LMNTD1: variants seen among roughly 807,000 people sequenced by gnomAD.
LMNTD1 encodes lamin tail domain containing 1.
A neutral mutation model predicts 50.9 loss-of-function variants in LMNTD1; 35 were observed. The observed-to-expected ratio is 0.69, with a 90% CI of 0.53 to 0.91. The LOEUF (loss-of-function observed/expected upper bound fraction) is 0.91, where lower values mean the gene tolerates loss of function less well. LMNTD1 is among the 40% of genes least tolerant of loss of function. The pLI is 0.00. For synonymous variants in LMNTD1, 153 were observed against 161.9 expected, an observed-to-expected ratio of 0.94 and a Z score of 0.42; for missense variants, 470 against 475.5, an observed-to-expected ratio of 0.99 and a Z score of 0.11.
chr12:25,569,614 G>A (rs892135719), intron 1 of LMNTD1, among the ~76,000 whole-genome samples: 2 of 152,192 alleles, frequency 1.3e-5, no homozygotes, highest in Non-Finnish European at 2.9e-5. Context: ...GGTAGAAGAT[G>A]ACTGGATCAC....
chr12:25,486,176 T>C (rs1219630645), intron 9 of LMNTD1, among the ~76,000 whole-genome samples: 1 of 134,726 alleles, frequency 7.4e-6, no homozygotes, highest in Non-Finnish European at 1.6e-5. Context: ...TCCTCTTTTA[T>C]TTCATTGAGC....
At chr12:25,576,343 C>T (rs1006255007) in intron 1 of LMNTD1, among the ~76,000 whole-genome samples, 12 of 152,222 alleles carry the variant, frequency 7.9e-5, no homozygotes, top group Admixed American at 1.3e-4. Context: ...CACATCCTCT[C>T]CAGCACTTGT....
At chr12:25,618,565 T>C (rs1946396828) in intron 1 of LMNTD1, among the ~76,000 whole-genome samples, 1 of 152,170 alleles carries the variant, frequency 6.6e-6, no homozygotes, top group African/African-American at 2.4e-5. Flanking sequence ...GATTTTATAA[T>C]TCTCCTTTCT....
chr12:25,613,584 C>A (rs1329528903), intron 1 of LMNTD1, among the ~76,000 whole-genome samples: 1 of 152,126 alleles, frequency 6.6e-6, no homozygotes, highest in African/African-American at 2.4e-5. Context: ...TGTAAATGAG[C>A]CTCATTTGAT....
At chr12:25,557,379 A>T (rs975031466), upstream of LMNTD1, 1 of 152,224 alleles carries the variant, frequency 6.6e-6, no homozygotes, top group Non-Finnish European at 1.5e-5. Context: ...CCTGTTGAAA[A>T]ACAACACTAA....
chr12:25,536,516 T>A (rs914041751), intron 4 of LMNTD1, among the ~76,000 whole-genome samples: 2 of 151,842 alleles, frequency 1.3e-5, no homozygotes, highest in Non-Finnish European at 2.9e-5. Flanking sequence ...AAAATGAAAA[T>A]TAGAAAGTAT....
rs143131759 is a variant in LMNTD1, at chr12:25,579,632, G to C, written c.59-33078C>G. On this transcript the variant is annotated intron_variant, in intron 1 of 7. Coordinates refer to the LMNTD1 transcript ENST00000445693. ...TGCCCCAAACCAAGCTTATTATCTTGCTCAATTTCCAAACATCCTGGAGAT... is the reference window on the plus strand; with the variant it reads ...TGCCCCAAACCAAGCTTATTATCTTCCTCAATTTCCAAACATCCTGGAGAT... 7.9e-3 allele frequency among the ~76,000 whole-genome samples: 1,208 copies of C among 152,134 alleles called. 4 individuals are homozygous for C. Among genetic ancestry groups the C allele is most frequent in the Middle Eastern group, 0.027 (8 of 294 alleles).
At chr12:25,573,757 A>G (rs1172311340) in intron 1 of LMNTD1, among the ~76,000 whole-genome samples, 3 of 151,908 alleles carry the variant, frequency 2.0e-5, no homozygotes, top group African/African-American at 7.3e-5. Flanking sequence ...CTTGATTTTG[A>G]TCTTTCACTT....
intron 1 of LMNTD1, among the ~76,000 whole-genome samples, chr12:25,641,340 C>T (rs143804118): frequency 2.6e-5 from 4 of 151,954 alleles, no homozygotes; most frequent in Admixed American, 1.3e-4. Context: ...AAAAAATGAA[C>T]AGCAATAAGA....
At chr12:25,574,893 A>G (rs1051377735) in intron 1 of LMNTD1, among the ~76,000 whole-genome samples, 1 of 152,204 alleles carries the variant, frequency 6.6e-6, no homozygotes, top group Non-Finnish European at 1.5e-5. Context: ...TCTTGATGAA[A>G]TTACAAATTA....
intron 1 of LMNTD1, among the ~76,000 whole-genome samples, chr12:25,627,283 G>T (rs560299683): frequency 1.3e-5 from 2 of 152,266 alleles, no homozygotes; most frequent in East Asian, 1.9e-4. Flanking sequence ...AGGGAGGTTT[G>T]TTCTTTTTTT....
At chr12:25,555,130 A>C (rs117223128), upstream of LMNTD1, among the ~76,000 whole-genome samples, 205 of 152,230 alleles carry the variant, frequency 1.3e-3, 3 homozygotes, top group East Asian at 0.034. Flanking sequence ...TCATATAAAT[A>C]CAAAATATTT....
At chr12:25,481,494 T>C (rs1220233486) in intron 9 of LMNTD1, among the ~76,000 whole-genome samples, 3 of 151,990 alleles carry the variant, frequency 2.0e-5, no homozygotes, top group Non-Finnish European at 4.4e-5. Context: ...ACCAAAGTAT[T>C]TTCTAAACCA....
At chr12:25,566,538 T>G (rs1323290329) in intron 1 of LMNTD1, among the ~76,000 whole-genome samples, 2 of 152,254 alleles carry the variant, frequency 1.3e-5, no homozygotes, top group African/African-American at 4.8e-5. Flanking sequence ...ATCTCCACAC[T>G]GTTTTCCATA....
In LMNTD1 at chr12:25,549,528, T is replaced by C; in HGVS notation, c.108A>G (p.Gly36=). Residue 36 remains glycine, a synonymous_variant, in exon 3 of 10, where the codon GGA becomes GGG. Transcript: ENST00000458174. ...GGGAAAAATGTACTAAAGAATATAC[T>C]CCAAGTTTGTCTTCTCTTCTGTGTA... ...EKQKQREDKL[G]VYSLVHFSPK... The C allele has an allele frequency of 6.2e-7, 1 of 1,604,778 alleles. No individual in the cohort carries two copies. The highest frequency in any genetic ancestry group is 8.5e-7 in the Non-Finnish European group (1 of 1,173,168).
At chr12:25,520,619 T>A (rs114317689) in intron 6 of LMNTD1, among the ~76,000 whole-genome samples, 3,017 of 152,310 alleles carry the variant, frequency 0.02, 80 homozygotes, top group African/African-American at 0.058. Context: ...ACACTTAGGT[T>A]GTTTCCATAT....
At chr12:25,648,069 C>T (rs938721002) in intron 1 of LMNTD1, among the ~76,000 whole-genome samples, 1 of 152,086 alleles carries the variant, frequency 6.6e-6, no homozygotes, top group African/African-American at 2.4e-5. Flanking sequence ...AGTTTTTCAT[C>T]ATAAAAGTAA....
intron 4 of LMNTD1, among the ~76,000 whole-genome samples, chr12:25,534,168 G>C (rs1942414800): frequency 6.6e-6 from 1 of 151,854 alleles, no homozygotes; most frequent in African/African-American, 2.4e-5. Context: ...TCTGCTGTCA[G>C]ATATTAAACA....
chr12:25,560,992 A>T (rs1018903388), intron 1 of LMNTD1, among the ~76,000 whole-genome samples: 10 of 152,106 alleles, frequency 6.6e-5, no homozygotes, highest in Non-Finnish European at 1.3e-4. Context: ...GGACAATTTG[A>T]CTTTCTCTTT....
Sources: gnomAD v4.1 joint callset for allele counts (sites outside exome capture counted in the v4.1 genomes callset) on GRCh38, gnomAD v4.1.1 for gene constraint, MANE v1.5 for transcripts, NCBI Gene and HGNC (gene_info 2026-07-23, HGNC 2026-07-21) for gene names.